MRPS31: variants seen among roughly 807,000 people sequenced by gnomAD.
The protein encoded by MRPS31 is mitochondrial ribosomal protein S31.
In MRPS31, 32 loss-of-function variants were observed where a neutral mutation model predicts 43.1. The observed-to-expected ratio is 0.74, with a 90% CI of 0.56 to 1.00. MRPS31 has a LOEUF of 1.00. MRPS31 is among the 50% of genes least tolerant of loss of function. The probability of loss-of-function intolerance (pLI) is 0.00; values close to 1 mark genes in which losing one functional copy is unlikely to be tolerated. For missense variants in MRPS31, 437 were observed against 466.7 expected (o/e 0.94, Z 0.59); for synonymous variants, 165 against 161.6 (o/e 1.02, Z -0.16).
intron 6 of MRPS31, among the ~76,000 whole-genome samples, chr13:40,734,991 C>T (rs946112989): frequency 4.6e-5 from 7 of 152,126 alleles, no homozygotes; most frequent in African/African-American, 9.7e-5. Flanking sequence ...ACGCAGAAGA[C>T]GGGTGATTTC....
intron 1 of MRPS31, among the ~76,000 whole-genome samples, chr13:40,767,800 T>C (rs1293682813): frequency 6.6e-6 from 1 of 152,238 alleles, no homozygotes. Flanking sequence ...CTTAACACAA[T>C]ACCTCTTTAA....
In MRPS31 at chr13:40,764,176, G is replaced by A. The variant is rs575251768; in HGVS notation, c.440+2570C>T. Among the ~76,000 whole-genome samples the A allele has an allele frequency of 2.6e-5, 4 of 152,240 alleles. No homozygotes were observed. In the East Asian group the frequency reaches 7.7e-4, roughly 29 times the overall value. On this transcript the variant is annotated intron_variant, in intron 2 of 6. Coordinates refer to ENST00000323563, the MANE Select transcript of MRPS31 (RefSeq NM_005830.4). ...CCTTCATATCTGCAGGGGTTGGGGG[G>A]AGGTGGGGCCGTGGGATACAGGCAT...
At chr13:40,729,993 G>A (rs533127925) in intron 6 of MRPS31, among the ~76,000 whole-genome samples, 8 of 151,896 alleles carry the variant, frequency 5.3e-5, no homozygotes, top group African/African-American at 1.9e-4. Context: ...GCCTCCCAAA[G>A]TGTTGGGATT....
rs1880622673 is a variant in MRPS31, at chr13:40,759,171, C to T, written c.441-65G>A. 36 of 1,303,380 alleles carry T rather than the reference C, an allele frequency of 2.8e-5. No individual in the cohort carries two copies. The South Asian group carries it at 5.6e-4, about 20-fold the overall frequency. 80.7% of individuals were successfully genotyped at this position (1,303,380 alleles called of 1,614,324 possible). A position where few individuals can be genotyped will look rare whatever the true frequency, so the allele number is the denominator to read the frequency against. On this transcript the variant is annotated intron_variant, in intron 2 of 6. Transcript: ENST00000323563. ...AAGAGAGATTGGCCAGGTGCGGTGG[C>T]TCATGCCTGTAATTCCAGCACTTTG...
chr13:40,762,781 ATTGTGTGTGTGTGTGTGT>A (rs2138016293), intron 2 of MRPS31, among the ~76,000 whole-genome samples: 1 of 123,332 alleles, frequency 8.1e-6, no homozygotes, highest in Admixed American at 8.8e-5. Context: ...TAGTATAGAC[ATTGTGTGTGTGTGTGTGT>A]GTGTGTGTGT....
chr13:40,756,554 T>C lies in MRPS31; in HGVS notation c.740+319A>G, dbSNP rs1880531926. On this transcript the variant is annotated intron_variant, in intron 4 of 6. Coordinates refer to ENST00000323563, the MANE Select transcript of MRPS31 (RefSeq NM_005830.4). ...CTTATTTTTAAAATGAAAAATAATG[T>C]TTCTCACAAAATACTTATTTGCTCA... Among the ~76,000 whole-genome samples, 3 of 152,294 alleles carry C rather than the reference T, an allele frequency of 2.0e-5. No homozygotes were observed. In the South Asian group the frequency reaches 6.2e-4, roughly 32 times the overall value.
chr13:40,729,296 T>A lies in MRPS31; in HGVS notation c.*76A>T. ...CAAATGTAATAATCAACATAACATA[T>A]ACAAACTCTAGTAAAATTATTTTAT... On this transcript the variant is annotated 3_prime_UTR_variant, in exon 7 of 7. Coordinates refer to ENST00000323563, the MANE Select transcript of MRPS31 (RefSeq NM_005830.4). 1.3e-6 allele frequency: 1 copy of A among 768,428 alleles called. No homozygotes were observed. The highest frequency in any genetic ancestry group is 2.0e-5 in the South Asian group (1 of 49,546). 47.6% of individuals were successfully genotyped at this position (768,428 alleles called of 1,614,324 possible). A position where few individuals can be genotyped will look rare whatever the true frequency, so the allele number is the denominator to read the frequency against.
At chr13:40,768,326 C>CA (rs936564889) in intron 1 of MRPS31, among the ~76,000 whole-genome samples, 1 of 152,162 alleles carries the variant, frequency 6.6e-6, no homozygotes, top group African/African-American at 2.4e-5. Context: ...TGACGTGCTA[C>CA]AGCACTGCTT....
chr13:40,767,430 A>G lies in MRPS31; in HGVS notation c.153-397T>C, dbSNP rs373025729. On this transcript the variant is annotated intron_variant, in intron 1 of 6. Transcript: ENST00000323563. Reference sequence around the variant, plus strand: ...CAGCAGCAACTTACCATTTATTAGCATATACTACATGTCTCATCTTGTGAA... The same window carrying G: ...CAGCAGCAACTTACCATTTATTAGCGTATACTACATGTCTCATCTTGTGAA... Among the ~76,000 whole-genome samples, 13 of 152,376 alleles carry G rather than the reference A, an allele frequency of 8.5e-5. No homozygotes were observed. In the South Asian group the frequency reaches 2.7e-3, roughly 32 times the overall value.
intron 2 of MRPS31, among the ~76,000 whole-genome samples, chr13:40,764,279 T>C (rs1880782144): frequency 6.6e-6 from 1 of 152,326 alleles, no homozygotes; most frequent in East Asian, 1.9e-4. Flanking sequence ...TACCTGCATA[T>C]AAGTAATGCA....
At chr13:40,734,931 CAAGATGGCCGAATAGCA>C (rs1443318088) in intron 6 of MRPS31, among the ~76,000 whole-genome samples, 2 of 152,098 alleles carry the variant, frequency 1.3e-5, no homozygotes, top group Non-Finnish European at 2.9e-5. Context: ...GGGGAGGAGC[CAAGATGGCCGAATAGCA>C]ACAGCTCCAG....
chr13:40,747,635 T>C (rs1233424630), intron 6 of MRPS31, among the ~76,000 whole-genome samples: 1 of 152,188 alleles, frequency 6.6e-6, no homozygotes, highest in Non-Finnish European at 1.5e-5. Context: ...CCCAGCACTT[T>C]GGGAGGCCAA....
At chr13:40,765,044 C>T (rs986222558) in intron 2 of MRPS31, among the ~76,000 whole-genome samples, 4 of 152,124 alleles carry the variant, frequency 2.6e-5, no homozygotes, top group Admixed American at 1.3e-4. Context: ...AACCTAATCC[C>T]GTGCACCTTG....
intron 6 of MRPS31, 134 bp from the exon 7 acceptor site, chr13:40,729,735 T>TG: frequency 1.6e-6 from 1 of 631,442 alleles, no homozygotes; most frequent in South Asian, 2.1e-5. Flanking sequence ...GTTGCATTTT[T>TG]TTTTTTTTTT....
intron 6 of MRPS31, among the ~76,000 whole-genome samples, chr13:40,730,398 G>A (rs138950694): frequency 1.1e-3 from 160 of 152,088 alleles, no homozygotes; most frequent in African/African-American, 3.6e-3. Flanking sequence ...GATGGCATGT[G>A]CCTGTAATCC....
chr13:40,769,473 A>G lies in MRPS31; in HGVS notation c.152+1512T>C, dbSNP rs1880949055. 3.4e-5 allele frequency among the ~76,000 whole-genome samples: 5 copies of G among 147,658 alleles called. 1 individual carries two copies. The highest frequency in any genetic ancestry group is 6.0e-5 in the Non-Finnish European group (4 of 66,916). ...GCAGCCGCAGGTTAAGGATACTTAC[A>G]TGAAAGAGAAAATGGCAATTTCAAA... is the stretch of plus-strand genomic sequence containing the variant. On this transcript the variant is annotated intron_variant, in intron 1 of 6. Transcript: ENST00000323563.
At chr13:40,729,714 G>A in intron 6 of MRPS31, 113 bp from the exon 7 acceptor site, 1 of 690,966 alleles carries the variant, frequency 1.4e-6, no homozygotes, top group East Asian at 2.9e-5. Flanking sequence ...GAACTTTGGA[G>A]TTAGACCTAG....
intron 6 of MRPS31, among the ~76,000 whole-genome samples, chr13:40,737,897 T>C (rs375381704): frequency 0.039 from 5,921 of 150,220 alleles, 227 homozygotes; most frequent in East Asian, 0.13. Flanking sequence ...CAAGAGCAAA[T>C]ACATTCAAAA....
chr13:40,741,889 ACACACACAC>A (rs1880107554), intron 6 of MRPS31, among the ~76,000 whole-genome samples: 1 of 1,972 alleles, frequency 5.1e-4, no homozygotes, highest in African/African-American at 1.1e-3. Flanking sequence ...GTAACAAAAT[ACACACACAC>A]ACACACACAC....
Sources: allele counts gnomAD v4.1 joint callset (sites outside exome capture counted in the v4.1 genomes callset), GRCh38; gene constraint gnomAD v4.1.1; transcripts MANE v1.5; gene names NCBI Gene and HGNC (gene_info 2026-07-23, HGNC 2026-07-21).